The following AFF1 variants were observed in gnomAD, a reference collection of about 807,000 sequenced individuals.
The protein encoded by AFF1 is ALF transcription elongation factor 1.
In AFF1, 48 loss-of-function variants were observed where a neutral mutation model predicts 121.7. The observed-to-expected ratio is 0.39, with a 90% CI of 0.31 to 0.50. AFF1 has a LOEUF of 0.50. Among genes scored for constraint, AFF1 ranks in the 20% least tolerant of loss-of-function variants. The probability of loss-of-function intolerance (pLI) is 0.76; values close to 1 mark genes in which losing one functional copy is unlikely to be tolerated. For missense variants in AFF1, 1,523 were observed against 1,511.7 expected, an observed-to-expected ratio of 1.01 and a Z score of -0.12; for synonymous variants, 613 against 563.0, an observed-to-expected ratio of 1.09 and a Z score of -1.26.
At chr4:87,044,143 A>T (rs1439402645) in intron 2 of AFF1, among the ~76,000 whole-genome samples, 1 of 152,200 alleles carries the variant, frequency 6.6e-6, no homozygotes, top group Non-Finnish European at 1.5e-5. Context: ...ACCACATTGT[A>T]GTGAATTCAG....
At chr4:87,110,831 T>A (rs534775963) in intron 11 of AFF1, among the ~76,000 whole-genome samples, 35 of 152,042 alleles carry the variant, frequency 2.3e-4, no homozygotes, top group Middle Eastern at 3.2e-3. Flanking sequence ...TATTTCCAAT[T>A]TGCAGTATTT....
chr4:87,021,760 A>G (rs1727919074), intron 2 of AFF1, among the ~76,000 whole-genome samples: 1 of 152,220 alleles, frequency 6.6e-6, no homozygotes, highest in Non-Finnish European at 1.5e-5. Flanking sequence ...ATTTTTTCAC[A>G]TTGTTGACTT....
intron 2 of AFF1, among the ~76,000 whole-genome samples, chr4:86,955,346 C>A (rs140935450): frequency 6.6e-6 from 1 of 152,154 alleles, no homozygotes; most frequent in South Asian, 2.1e-4. Flanking sequence ...ATTGTTCAAA[C>A]GCCAAATTTT....
chr4:87,031,992 G>T (rs1264103789), intron 2 of AFF1, among the ~76,000 whole-genome samples: 3 of 152,214 alleles, frequency 2.0e-5, no homozygotes, highest in Non-Finnish European at 4.4e-5. Context: ...CCTATTGGTA[G>T]TGATGGTGAA....
intron 2 of AFF1, chr4:87,007,442 G>A: frequency 6.2e-7 from 1 of 1,614,082 alleles, no homozygotes; most frequent in Non-Finnish European, 8.5e-7. Context: ...GTGCACCGGA[G>A]AAACTTTTCA....
chr4:87,013,620 A>G (rs1161433715), intron 2 of AFF1, among the ~76,000 whole-genome samples: 1 of 143,364 alleles, frequency 7.0e-6, no homozygotes, highest in Admixed American at 6.9e-5. Flanking sequence ...ATGATCCTTT[A>G]TTTTGGTGGG....
chr4:87,138,402 C>T lies in AFF1; in HGVS notation c.*2701C>T. 4.3e-6 allele frequency: 1 copy of T among 231,924 alleles called. No homozygotes were observed. The highest frequency in any genetic ancestry group is 8.5e-6 in the Non-Finnish European group (1 of 117,384). The allele number at this position is 231,924 out of a possible 1,614,324, so 14.4% of individuals were successfully genotyped here. A position where few individuals can be genotyped will look rare whatever the true frequency, so the allele number is the denominator to read the frequency against. On this transcript the variant is annotated 3_prime_UTR_variant, in exon 21 of 21. Transcript: ENST00000395146. ...CTTAGAGTATGGAAAGTTCTTATAA[C>T]AATAATAGTACACACTTCAGAGTAA...
rs186432044 is a variant in AFF1, at chr4:87,012,407, A to G, written c.39-33759A>G. Among the ~76,000 whole-genome samples, 186 of 152,250 alleles carry G rather than the reference A, an allele frequency of 1.2e-3. 1 individual carries two copies. The highest frequency in any genetic ancestry group is 2.0e-3 in the Non-Finnish European group (139 of 68,030). ...GCACCTCTAGGACAAAGTTTCTTGG[A>G]GACATGCTTCTTGGCTCAGAAATAG... On this transcript the variant is annotated intron_variant, in intron 2 of 20. Coordinates refer to ENST00000395146, the MANE Select transcript of AFF1 (RefSeq NM_001166693.3).
Position 87,136,505 on chromosome 4 carries a change from C to T in AFF1, c.*804C>T, listed in dbSNP as rs1464581781. On this transcript the variant is annotated 3_prime_UTR_variant, in exon 21 of 21. Coordinates refer to ENST00000395146, the MANE Select transcript of AFF1 (RefSeq NM_001166693.3). ...GACTTGGCGCTGCCATTTCCTACCC[C>T]TGCCATTTCCCACCCCTGCTTCAGC... The T allele has an allele frequency of 8.6e-6, 2 of 232,656 alleles. No homozygotes were observed. Among genetic ancestry groups the T allele is most frequent in the African/African-American group, 2.2e-5 (1 of 45,290 alleles). The allele number at this position is 232,656 out of a possible 1,614,324, so 14.4% of individuals were successfully genotyped here.
chr4:87,095,038 T>A, intron 8 of AFF1, 69 bp downstream of exon 8: 1 of 1,430,100 alleles, frequency 7.0e-7, no homozygotes, highest in Non-Finnish European at 9.8e-7. Context: ...GTCAATGCAT[T>A]GCTTAGATTT....
intron 2 of AFF1, 155 bp from the exon 3 acceptor site, chr4:87,046,010 TG>T (rs1730650099): frequency 1.1e-6 from 1 of 905,446 alleles, no homozygotes; most frequent in Non-Finnish European, 1.6e-6. Flanking sequence ...ACCCTAAGGC[TG>T]GGTTAAGGAA....
At chr4:86,982,848 C>CAAAAAAAAAAAAAAA (rs59568294) in intron 2 of AFF1, among the ~76,000 whole-genome samples, 16 of 53,806 alleles carry the variant, frequency 3.0e-4, no homozygotes, top group African/African-American at 1.1e-3. Flanking sequence ...ACTCTGTCTC[C>CAAAAAAAAAAAAAAA]AAAAAAAAAA....
intron 8 of AFF1, among the ~76,000 whole-genome samples, chr4:87,103,705 T>C (rs1725645073): frequency 6.6e-6 from 1 of 152,222 alleles, no homozygotes; most frequent in Non-Finnish European, 1.5e-5. Context: ...TGACTTACTT[T>C]AGGAGAGTAT....
chr4:87,052,242 T>C (rs982022644), intron 4 of AFF1, among the ~76,000 whole-genome samples: 2 of 151,988 alleles, frequency 1.3e-5, no homozygotes, highest in African/African-American at 4.8e-5. Context: ...GTGAGATGTT[T>C]TATCAAAAAA....
At position 87,047,063 on chromosome 4, in the gene AFF1, C is replaced by G; in HGVS notation, c.528C>G (p.Phe176Leu). The G allele has an allele frequency of 6.2e-7, 1 of 1,614,152 alleles. No individual in the cohort carries two copies. Among genetic ancestry groups the G allele is most frequent in the Non-Finnish European group, 8.5e-7 (1 of 1,180,026 alleles). Residue 176 changes from phenylalanine (F) to leucine (L), a missense_variant, in exon 4 of 21, where the codon TTC becomes TTG. Physicochemically the swap from Phe to Leu is conservative, Grantham distance 22 (BLOSUM62 0). Transcript: ENST00000395146. ...LTQDRLGQEGFGSSHHKKGDR... is the reference protein window; with the variant it reads ...LTQDRLGQEGLGSSHHKKGDR... Reference sequence around the variant, plus strand: ...AGGATCGCCTTGGTCAGGAGGGGTTCGGCTCTAGTCATCACAAGAAAGGTG... The same window carrying G: ...AGGATCGCCTTGGTCAGGAGGGGTTGGGCTCTAGTCATCACAAGAAAGGTG...
chr4:87,046,770 AG>A lies in AFF1; in HGVS notation c.236del (p.Ser79IlefsTer23). ...CTACGAAGAAGTGAAGGAGTTCCTT[AG>A]TACTAAGTCTCACACTCATCGCCTG... ...GNYEEVKEFL[S>X]TKSHTHRLDA... On this transcript the variant is annotated frameshift_variant, in exon 4 of 21. Transcript: ENST00000395146. LOFTEE classifies it high-confidence loss of function. 6.2e-7 allele frequency: 1 copy of A among 1,614,184 alleles called. No homozygotes were observed. Among genetic ancestry groups the A allele is most frequent in the Non-Finnish European group, 8.5e-7 (1 of 1,180,028 alleles).
At chr4:87,120,370 C>T (rs960056110) in intron 12 of AFF1, among the ~76,000 whole-genome samples, 1 of 152,242 alleles carries the variant, frequency 6.6e-6, no homozygotes, top group Admixed American at 6.5e-5. Flanking sequence ...AGCTCATTTG[C>T]TTCCTTTTGG....
At chr4:87,041,177 G>A (rs1039908722) in intron 2 of AFF1, among the ~76,000 whole-genome samples, 2 of 152,074 alleles carry the variant, frequency 1.3e-5, no homozygotes, top group South Asian at 2.1e-4. Context: ...CCACCTGGCC[G>A]CAAGTCAATC....
intron 16 of AFF1, among the ~76,000 whole-genome samples, chr4:87,130,198 C>T (rs1209974747): frequency 6.6e-6 from 1 of 152,036 alleles, no homozygotes; most frequent in Non-Finnish European, 1.5e-5. Context: ...GTCTCAAAAT[C>T]CTGACCTCAA....
Sources: gnomAD v4.1 joint callset for allele counts (sites outside exome capture counted in the v4.1 genomes callset) on GRCh38, gnomAD v4.1.1 for gene constraint, MANE v1.5 for transcripts, NCBI Gene and HGNC (gene_info 2026-07-23, HGNC 2026-07-21) for gene names.